Variants in JAZF1 observed in about 807,000 individuals in gnomAD.
JAZF1 encodes JAZF zinc finger 1, also known as juxtaposed with another zinc finger protein 1.
In JAZF1, 8 loss-of-function variants were observed where a neutral mutation model predicts 26.4. The ratio of observed to expected loss-of-function variants is 0.30; its 90% CI spans 0.18 to 0.55. The LOEUF is 0.55. Among genes scored for constraint, JAZF1 ranks in the 20% least tolerant of loss-of-function variants. The pLI is 0.94. For missense variants in JAZF1, 199 were observed against 322.0 expected, an observed-to-expected ratio of 0.62 and a Z score of 2.92; for synonymous variants, 126 against 122.3, an observed-to-expected ratio of 1.03 and a Z score of -0.20.
intron 1 of JAZF1, among the ~76,000 whole-genome samples, chr7:28,065,842 G>A (rs1194240109): frequency 6.6e-6 from 1 of 152,082 alleles, no homozygotes; most frequent in Non-Finnish European, 1.5e-5. Context: ...AGCGATTACA[G>A]CCCGGGGCTA....
chr7:28,124,005 G>C (rs780911288), intron 1 of JAZF1, among the ~76,000 whole-genome samples: 19 of 152,204 alleles, frequency 1.2e-4, no homozygotes, highest in Non-Finnish European at 2.5e-4. Context: ...GCCACGTGCA[G>C]CATCTCGGTC....
intron 1 of JAZF1, among the ~76,000 whole-genome samples, chr7:28,075,858 A>C (rs978759775): frequency 4.6e-5 from 7 of 152,250 alleles, no homozygotes; most frequent in Non-Finnish European, 1.0e-4. Context: ...GGTTATCTTG[A>C]CCACAGTGAC....
rs1002440518 is a variant in JAZF1 at position 28,051,215 on chromosome 7, T to C, written c.116-59234A>G. Reference sequence around the variant, plus strand: ...AAACTATTGCTGTATTTTAAGTGAGTATAATTTTTTATTTTTATTTTTATT... The same window carrying C: ...AAACTATTGCTGTATTTTAAGTGAGCATAATTTTTTATTTTTATTTTTATT... On this transcript the variant is annotated intron_variant, in intron 1 of 4. Coordinates refer to ENST00000283928, the MANE Select transcript of JAZF1 (RefSeq NM_175061.4). Among the ~76,000 whole-genome samples, 45 of 151,026 alleles carry C rather than the reference T, an allele frequency of 3.0e-4. 1 individual carries two copies. The highest frequency in any genetic ancestry group is 1.0e-4 in the Non-Finnish European group (7 of 67,892).
At chr7:28,024,676 G>A (rs1231454056) in intron 1 of JAZF1, among the ~76,000 whole-genome samples, 1 of 152,218 alleles carries the variant, frequency 6.6e-6, no homozygotes, top group Non-Finnish European at 1.5e-5. Context: ...TGTAGAGAAT[G>A]CTTTGGAAGA....
chr7:27,966,468 G>C (rs994167435), intron 2 of JAZF1, among the ~76,000 whole-genome samples: 5 of 152,166 alleles, frequency 3.3e-5, no homozygotes, highest in African/African-American at 4.8e-5. Flanking sequence ...CCTATCACAA[G>C]TGAGAAAAAC....
At chr7:28,139,907 G>A (rs1179351063) in intron 1 of JAZF1, among the ~76,000 whole-genome samples, 3 of 152,136 alleles carry the variant, frequency 2.0e-5, no homozygotes, top group Non-Finnish European at 4.4e-5. Context: ...ATAAAGTGGT[G>A]TGGAGGTATG....
chr7:28,075,999 C>T (rs917378051), intron 1 of JAZF1, among the ~76,000 whole-genome samples: 2 of 152,102 alleles, frequency 1.3e-5, no homozygotes, highest in Non-Finnish European at 1.5e-5. Context: ...ATGCCTTCTC[C>T]CCATTCTCAG....
At chr7:28,097,113 A>AC (rs939043371) in intron 1 of JAZF1, among the ~76,000 whole-genome samples, 1 of 151,442 alleles carries the variant, frequency 6.6e-6, no homozygotes, top group African/African-American at 2.4e-5. Flanking sequence ...CCTTTAAATC[A>AC]CCCCCCACCC....
At chr7:27,936,186 C>T (rs560540152) in intron 2 of JAZF1, among the ~76,000 whole-genome samples, 1 of 152,302 alleles carries the variant, frequency 6.6e-6, no homozygotes, top group South Asian at 2.1e-4. Flanking sequence ...TTAGGGAATA[C>T]TTTAGGGAAA....
intron 2 of JAZF1, among the ~76,000 whole-genome samples, chr7:27,930,902 T>G (rs1784680152): frequency 6.6e-6 from 1 of 152,066 alleles, no homozygotes; most frequent in Non-Finnish European, 1.5e-5. Context: ...AGCAGGACAG[T>G]GGTATTATAT....
intron 1 of JAZF1, among the ~76,000 whole-genome samples, chr7:28,110,515 A>AAAGGAAAGGAAAGGAAAGGGAAAGG (rs1562590947): frequency 3.4e-5 from 2 of 58,948 alleles, no homozygotes; most frequent in African/African-American, 1.8e-4. Context: ...AAAGGAAAGG[A>AAAGGAAAGGAAAGGAAAGGGAAAGG]AAAGGAAAAG....
At chr7:28,179,787 C>A (rs1783608166) in intron 1 of JAZF1, among the ~76,000 whole-genome samples, 1 of 147,932 alleles carries the variant, frequency 6.8e-6, no homozygotes, top group Non-Finnish European at 1.5e-5. Flanking sequence ...CCCCGGCCCC[C>A]GCCCGCGGCC....
chr7:28,030,325 T>C (rs1011540180), intron 1 of JAZF1, among the ~76,000 whole-genome samples: 3 of 152,232 alleles, frequency 2.0e-5, no homozygotes, highest in Non-Finnish European at 4.4e-5. Context: ...TTTAAATGTC[T>C]TGTACAACTA....
At chr7:28,171,352 G>T (rs1046395549) in intron 1 of JAZF1, among the ~76,000 whole-genome samples, 1 of 152,152 alleles carries the variant, frequency 6.6e-6, no homozygotes, top group South Asian at 2.1e-4. Context: ...CAAACCTACA[G>T]AAATTAATTT....
intron 1 of JAZF1, among the ~76,000 whole-genome samples, chr7:28,128,544 C>A (rs1430462532): frequency 2.0e-5 from 3 of 152,092 alleles, no homozygotes; most frequent in Non-Finnish European, 1.5e-5. Context: ...AATGCATATT[C>A]ACAGGCCCGG....
intron 1 of JAZF1, among the ~76,000 whole-genome samples, chr7:28,145,298 G>A (rs76141628): frequency 1.3e-3 from 203 of 152,232 alleles, no homozygotes; most frequent in African/African-American, 4.7e-3. Flanking sequence ...TTGCTTTTCC[G>A]GGTACTGAGG....
At chr7:28,086,887 G>A (rs1480284359) in intron 1 of JAZF1, among the ~76,000 whole-genome samples, 1 of 152,124 alleles carries the variant, frequency 6.6e-6, no homozygotes, top group South Asian at 2.1e-4. Flanking sequence ...ATTTTAAAAA[G>A]AGTTAACAAC....
chr7:27,963,224 A>G (rs979713487), intron 2 of JAZF1, among the ~76,000 whole-genome samples: 3 of 152,240 alleles, frequency 2.0e-5, no homozygotes, highest in African/African-American at 7.2e-5. Context: ...TTTCTATTTA[A>G]GTCAAGGACA....
At chr7:27,875,196 T>C (rs1783654928) in intron 3 of JAZF1, among the ~76,000 whole-genome samples, 1 of 152,120 alleles carries the variant, frequency 6.6e-6, no homozygotes, top group Non-Finnish European at 1.5e-5. Flanking sequence ...CCTGGGAGTC[T>C]TTCTCTCTCG....
Sources: gnomAD v4.1 joint callset for allele counts (sites outside exome capture counted in the v4.1 genomes callset) on GRCh38, gnomAD v4.1.1 for gene constraint, MANE v1.5 for transcripts, NCBI Gene and HGNC (gene_info 2026-07-23, HGNC 2026-07-21) for gene names.